Variants in TCERG1L observed in about 807,000 individuals in gnomAD.
The protein encoded by TCERG1L is transcription elongation regulator 1 like, also known as transcription elongation regulator 1-like protein.
Under a neutral mutation model 56.3 loss-of-function variants are expected in TCERG1L, and 37 were observed. The ratio of observed to expected loss-of-function variants is 0.66; its 90% CI spans 0.51 to 0.87. The LOEUF is 0.87. TCERG1L is among the 40% of genes least tolerant of loss of function. TCERG1L has a pLI of 0.00. For synonymous variants in TCERG1L, 324 were observed against 326.3 expected (o/e 0.99, Z 0.08); for missense variants, 799 against 774.2 (o/e 1.03, Z -0.38).
chr10:131,148,452 A>G (rs1054631620), intron 6 of TCERG1L, among the ~76,000 whole-genome samples: 2 of 149,372 alleles, frequency 1.3e-5, no homozygotes, highest in African/African-American at 4.9e-5. Flanking sequence ...AGATACACAC[A>G]TAAACACACA....
intron 3 of TCERG1L, among the ~76,000 whole-genome samples, chr10:131,273,921 C>T (rs914449856): frequency 2.6e-5 from 4 of 152,186 alleles, no homozygotes; most frequent in African/African-American, 4.8e-5. Flanking sequence ...ACTATTCCCC[C>T]GTGAAAAGCT....
intron 4 of TCERG1L, among the ~76,000 whole-genome samples, chr10:131,201,906 C>T (rs781272905): frequency 2.0e-5 from 3 of 152,136 alleles, no homozygotes; most frequent in Admixed American, 2.0e-4. Context: ...TCCTCAGAGA[C>T]GAGGAAAGAG....
chr10:131,229,359 A>T (rs1419620018), intron 4 of TCERG1L, among the ~76,000 whole-genome samples: 1 of 152,216 alleles, frequency 6.6e-6, no homozygotes, highest in Non-Finnish European at 1.5e-5. Flanking sequence ...TTTCCAACAG[A>T]TGACAGGGGA....
intron 4 of TCERG1L, among the ~76,000 whole-genome samples, chr10:131,171,187 A>AAAAAAAGGAAAG (rs111602431): frequency 2.8e-4 from 31 of 110,038 alleles, no homozygotes; most frequent in African/African-American, 7.8e-4. Context: ...ACCAAAAAAA[A>AAAAAAAGGAAAG]GAAGAAAGAA....
intron 6 of TCERG1L, among the ~76,000 whole-genome samples, chr10:131,147,450 G>A (rs55885409): frequency 0.041 from 6,185 of 152,290 alleles, 198 homozygotes; most frequent in East Asian, 0.11. Flanking sequence ...CTGACCCCGC[G>A]CTGTCCCCAC....
chr10:131,095,239 AC>A (rs1309531459), intron 11 of TCERG1L: 1 of 149,004 alleles, frequency 6.7e-6, no homozygotes, highest in Non-Finnish European at 1.5e-5. Context: ...CGGACGGCCA[AC>A]CCCACCGGGC....
At chr10:131,123,656 C>T (rs1305614126) in intron 8 of TCERG1L, among the ~76,000 whole-genome samples, 5 of 152,036 alleles carry the variant, frequency 3.3e-5, no homozygotes, top group Non-Finnish European at 5.9e-5. Flanking sequence ...TCCTGGCCTC[C>T]GACTGCCCTG....
intron 6 of TCERG1L, among the ~76,000 whole-genome samples, chr10:131,155,138 G>A (rs1319931129): frequency 6.6e-6 from 1 of 152,100 alleles, no homozygotes; most frequent in Non-Finnish European, 1.5e-5. Context: ...CAAGCTGGGT[G>A]GGGACGTCCC....
intron 4 of TCERG1L, among the ~76,000 whole-genome samples, chr10:131,185,508 C>T (rs1239449788): frequency 6.6e-6 from 1 of 152,032 alleles, no homozygotes; most frequent in African/African-American, 2.4e-5. Context: ...GTCTGGTATC[C>T]AGAATATGCA....
intron 7 of TCERG1L, among the ~76,000 whole-genome samples, chr10:131,137,313 G>A (rs1004846513): frequency 6.6e-5 from 10 of 152,148 alleles, no homozygotes; most frequent in African/African-American, 1.4e-4. Flanking sequence ...GTGCCCTCCC[G>A]GTTTTCCCTC....
rs531947168 is a variant in TCERG1L, at chr10:131,118,952, A to G, written c.1260-2018T>C. On this transcript the variant is annotated intron_variant, in intron 8 of 11. Coordinates refer to ENST00000368642, the MANE Select transcript of TCERG1L (RefSeq NM_174937.4). This position sits in a 1 kb window ranked among gnomAD's most constrained non-coding sequence, Gnocchi z 4.2. ...GGAGTGGAGAGCCGGGATGCTGTGA[A>G]ATGTCCTGCAATGCACAGGACAGCC... Among the ~76,000 whole-genome samples, 15 of 152,256 alleles carry G rather than the reference A, an allele frequency of 9.9e-5. No individual in the cohort carries two copies. Among genetic ancestry groups the G allele is most frequent in the East Asian group, 5.8e-4 (3 of 5,170 alleles).
chr10:131,156,473 C>T (rs1845924141), intron 6 of TCERG1L, among the ~76,000 whole-genome samples: 1 of 152,130 alleles, frequency 6.6e-6, no homozygotes, highest in Admixed American at 6.5e-5. Context: ...AAATACAAAA[C>T]AGCCCTTTGA....
intron 4 of TCERG1L, among the ~76,000 whole-genome samples, chr10:131,252,079 T>C (rs1475418394): frequency 2.6e-5 from 4 of 152,216 alleles, no homozygotes; most frequent in Non-Finnish European, 5.9e-5. Flanking sequence ...CTGAAGCAGG[T>C]GCCAGCAATT....
intron 4 of TCERG1L, among the ~76,000 whole-genome samples, chr10:131,212,161 G>A (rs1845626969): frequency 6.6e-6 from 1 of 152,204 alleles, no homozygotes; most frequent in South Asian, 2.1e-4. Flanking sequence ...CTAAGGTTGT[G>A]TCTGCCTCTT....
At chr10:131,146,002 C>A (rs1029380183) in intron 7 of TCERG1L, among the ~76,000 whole-genome samples, 6 of 152,350 alleles carry the variant, frequency 3.9e-5, no homozygotes, top group Non-Finnish European at 8.8e-5. Context: ...CTGCCAAGCA[C>A]CCCATTCCTC....
chr10:131,265,325 T>A (rs775139654), intron 3 of TCERG1L, among the ~76,000 whole-genome samples: 1 of 152,258 alleles, frequency 6.6e-6, no homozygotes, highest in Non-Finnish European at 1.5e-5. Flanking sequence ...CTTTTTAACC[T>A]GCTCTGAGAT....
intron 4 of TCERG1L, among the ~76,000 whole-genome samples, chr10:131,201,611 AAAAAT>A (rs1845436423): frequency 6.6e-6 from 1 of 152,346 alleles, no homozygotes; most frequent in East Asian, 1.9e-4. Context: ...AAAAATATAT[AAAAAT>A]AAAATAAATC....
chr10:131,114,032 C>T lies in TCERG1L; in HGVS notation c.1395+2767G>A, dbSNP rs543122545. On this transcript the variant is annotated intron_variant, in intron 9 of 11. Transcript: ENST00000368642. ...ACGAAAAACAAACCTTCTGCTGAACCATCATTTACATGCCACAAAACCACA... is the reference window on the plus strand; with the variant it reads ...ACGAAAAACAAACCTTCTGCTGAACTATCATTTACATGCCACAAAACCACA... Among the ~76,000 whole-genome samples, 15 of 141,912 alleles carry T rather than the reference C, an allele frequency of 1.1e-4. 6 individuals are homozygous for T. The South Asian group carries it at 3.9e-3, about 37-fold the overall frequency. The allele number at this position is 141,912 out of a possible 152,430, so 93.1% of individuals were successfully genotyped here.
At chr10:131,229,280 C>G (rs917538626) in intron 4 of TCERG1L, among the ~76,000 whole-genome samples, 1 of 152,252 alleles carries the variant, frequency 6.6e-6, no homozygotes, top group African/African-American at 2.4e-5. Context: ...TCCTCCGCAT[C>G]GAACTGTCCA....
Sources: allele counts gnomAD v4.1 joint callset (sites outside exome capture counted in the v4.1 genomes callset), GRCh38; gene constraint gnomAD v4.1.1; non-coding constraint Gnocchi (gnomAD v3.1); transcripts MANE v1.5; gene names NCBI Gene and HGNC (gene_info 2026-07-23, HGNC 2026-07-21).